HDAC9: variants seen among roughly 807,000 people sequenced by gnomAD.
HDAC9 encodes the protein histone deacetylase 9.
In HDAC9, 41 loss-of-function variants were observed where a neutral mutation model predicts 139.4. That is an observed-to-expected ratio of 0.29 (90% CI 0.23 to 0.38). The LOEUF (loss-of-function observed/expected upper bound fraction) is 0.38, where lower values mean the gene tolerates loss of function less well. Ranked by LOEUF, HDAC9 falls within the 10% of genes least tolerant of loss-of-function variation. The pLI is 1.00. For synonymous variants in HDAC9, 517 were observed against 476.2 expected (o/e 1.09, Z -1.12); for missense variants, 1,147 against 1,297.0 (o/e 0.88, Z 1.78).
intron 2 of HDAC9, among the ~76,000 whole-genome samples, chr7:18,569,459 T>G (rs1823530215): frequency 6.6e-6 from 1 of 152,234 alleles, no homozygotes; most frequent in Non-Finnish European, 1.5e-5. Context: ...ATAAATATTT[T>G]CAATAATTTC....
At chr7:18,438,493 A>T (rs1419564398) in intron 1 of HDAC9, among the ~76,000 whole-genome samples, 1 of 152,184 alleles carries the variant, frequency 6.6e-6, no homozygotes, top group African/African-American at 2.4e-5. Context: ...CTTCAGACTC[A>T]TGCATGTAGA....
chr7:18,427,410 AT>A (rs66479022), intron 1 of HDAC9, among the ~76,000 whole-genome samples: 83 of 148,698 alleles, frequency 5.6e-4, no homozygotes, highest in African/African-American at 1.6e-3. Context: ...TTATTTCTTT[AT>A]TTTTTTTTTA....
At chr7:18,465,112 C>A (rs1414104470) in intron 1 of HDAC9, among the ~76,000 whole-genome samples, 1 of 151,864 alleles carries the variant, frequency 6.6e-6, no homozygotes, top group Non-Finnish European at 1.5e-5. Flanking sequence ...AGTGTTGATT[C>A]TTTTTACCTG....
At chr7:18,584,516 C>T (rs1828860094) in intron 2 of HDAC9, among the ~76,000 whole-genome samples, 1 of 152,164 alleles carries the variant, frequency 6.6e-6, no homozygotes, top group African/African-American at 2.4e-5. Flanking sequence ...TAAATATTAT[C>T]ATCTGTAGTT....
chr7:18,667,003 T>C (rs182270941), intron 12 of HDAC9: 1 of 985,386 alleles, frequency 1.0e-6, no homozygotes, highest in South Asian at 4.7e-5. Flanking sequence ...GCCCCTTCCT[T>C]CCTCTCTCTT....
chr7:18,747,825 A>C (rs1421409307), intron 13 of HDAC9, among the ~76,000 whole-genome samples: 1 of 152,230 alleles, frequency 6.6e-6, no homozygotes, highest in Non-Finnish European at 1.5e-5. Context: ...GCATTATTTG[A>C]GCACACTCAA....
intron 1 of HDAC9, among the ~76,000 whole-genome samples, chr7:18,396,507 C>T (rs986405535): frequency 2.2e-4 from 34 of 151,998 alleles, no homozygotes; most frequent in Admixed American, 7.2e-4. Context: ...CCACCTTCTC[C>T]GTATATTCTC....
intron 2 of HDAC9, among the ~76,000 whole-genome samples, chr7:18,580,155 A>C (rs1422181608): frequency 6.6e-6 from 1 of 152,208 alleles, no homozygotes; most frequent in Non-Finnish European, 1.5e-5. Flanking sequence ...CAGAAATTGA[A>C]AGCTAAACGT....
intron 1 of HDAC9, among the ~76,000 whole-genome samples, chr7:18,408,027 C>T (rs1788175996): frequency 1.3e-5 from 2 of 152,010 alleles, no homozygotes; most frequent in Admixed American, 6.6e-5. Flanking sequence ...ATCGTACTTA[C>T]GTCGTGGAAT....
At chr7:18,556,065 T>C (rs192202291) in intron 2 of HDAC9, among the ~76,000 whole-genome samples, 1 of 152,170 alleles carries the variant, frequency 6.6e-6, no homozygotes, top group Non-Finnish European at 1.5e-5. Flanking sequence ...AAAATAAATA[T>C]ATCATCAAAA....
rs148332727 is a variant in HDAC9 at position 18,824,769 on chromosome 7, G to A, written c.2323-4392G>A. Among the ~76,000 whole-genome samples the A allele has an allele frequency of 3.5e-3, 532 of 152,318 alleles. 1 individual carries two copies. The highest frequency in any genetic ancestry group is 7.9e-3 in the Admixed American group (121 of 15,298). On this transcript the variant is annotated intron_variant, in intron 17 of 25. Transcript: ENST00000686413. ...CCACCCTCATGTGCCTTTCGTCTGAGCACTCACAAAGTGAGCTCTGGTTTC... is the reference window on the plus strand; with the variant it reads ...CCACCCTCATGTGCCTTTCGTCTGAACACTCACAAAGTGAGCTCTGGTTTC...
upstream of HDAC9, among the ~76,000 whole-genome samples, chr7:18,286,552 T>G (rs1308622791): frequency 6.6e-6 from 1 of 151,772 alleles, no homozygotes; most frequent in Non-Finnish European, 1.5e-5. Context: ...TCATTTCTAG[T>G]TACATATTTC....
At chr7:18,820,253 AAAAAACTTGTTGAG>A (rs1344384845) in intron 17 of HDAC9, among the ~76,000 whole-genome samples, 4 of 152,190 alleles carry the variant, frequency 2.6e-5, no homozygotes, top group African/African-American at 9.6e-5. Flanking sequence ...TTAATTATTT[AAAAAACTTGTTGAG>A]AAATTCTCAT....
chr7:18,439,546 C>G (rs1160648793), intron 1 of HDAC9, among the ~76,000 whole-genome samples: 1 of 152,058 alleles, frequency 6.6e-6, no homozygotes, highest in Non-Finnish European at 1.5e-5. Flanking sequence ...TCACCTTCCC[C>G]GATTCATTAC....
chr7:18,400,636 T>C (rs915895393), intron 1 of HDAC9, among the ~76,000 whole-genome samples: 3 of 152,124 alleles, frequency 2.0e-5, no homozygotes, highest in African/African-American at 7.2e-5. Flanking sequence ...AAGTGGCACT[T>C]AGAAAAGTTG....
chr7:18,317,523 C>T (rs117129029), intron 1 of HDAC9, among the ~76,000 whole-genome samples: 11 of 152,242 alleles, frequency 7.2e-5, no homozygotes, highest in African/African-American at 1.4e-4. Flanking sequence ...AGGAATATCC[C>T]GTCACTTGTA....
intron 1 of HDAC9, among the ~76,000 whole-genome samples, chr7:18,141,398 C>T (rs188647495): frequency 6.6e-6 from 1 of 152,230 alleles, no homozygotes; most frequent in Non-Finnish European, 1.5e-5. Flanking sequence ...AAAAACCCAT[C>T]AGAGCCTATA....
At chr7:18,763,640 T>C (rs1311170139) in intron 15 of HDAC9, among the ~76,000 whole-genome samples, 2 of 152,140 alleles carry the variant, frequency 1.3e-5, no homozygotes, top group African/African-American at 4.8e-5. Flanking sequence ...GTATAATAAA[T>C]GTTCTTATTT....
intron 2 of HDAC9, among the ~76,000 whole-genome samples, chr7:18,516,000 C>G (rs752185426): frequency 6.6e-6 from 1 of 152,142 alleles, no homozygotes; most frequent in Non-Finnish European, 1.5e-5. Flanking sequence ...CTTCATGATG[C>G]TTTTACTAAG....
Sources: gnomAD v4.1 joint callset for allele counts (sites outside exome capture counted in the v4.1 genomes callset) on GRCh38, gnomAD v4.1.1 for gene constraint, MANE v1.5 for transcripts, NCBI Gene and HGNC (gene_info 2026-07-23, HGNC 2026-07-21) for gene names.